The following ROS1 variants were observed in gnomAD, a reference collection of about 807,000 sequenced individuals.
The protein encoded by ROS1 is ROS proto-oncogene 1, receptor tyrosine kinase, also known as proto-oncogene tyrosine-protein kinase ROS.
In ROS1, 263 loss-of-function variants were observed where a neutral mutation model predicts 273.5. The observed-to-expected ratio is 0.96, with a 90% CI of 0.87 to 1.06. ROS1 has a LOEUF of 1.06. ROS1 is among the 50% of genes least tolerant of loss of function. The pLI is 0.00. For missense variants in ROS1, 2,833 were observed against 2,751.1 expected (o/e 1.03, Z -0.67); for synonymous variants, 1,008 against 954.1 (o/e 1.06, Z -1.04).
intron 13 of ROS1, among the ~76,000 whole-genome samples, chr6:117,388,386 A>G (rs1448783932): frequency 2.0e-5 from 3 of 152,226 alleles, no homozygotes; most frequent in Non-Finnish European, 4.4e-5. Flanking sequence ...AAGAAGCCCA[A>G]TCAATAAAAA....
chr6:117,352,908 C>G (rs1778988748), intron 27 of ROS1, 82 bp downstream of exon 27: 2 of 1,288,424 alleles, frequency 1.6e-6, no homozygotes, highest in African/African-American at 1.5e-5. Flanking sequence ...GCTAAAGGGA[C>G]AGCCTTGGAG....
rs376663875 is a variant in ROS1, at chr6:117,394,267, C to A, written c.1086G>T (p.Met362Ile). Residue 362 changes from methionine to isoleucine, a missense_variant, in exon 11 of 44, where the codon ATG becomes ATT. Coordinates refer to ENST00000368507, the MANE Select transcript of ROS1 (RefSeq NM_001378902.1). ...AAATTCTCAGGTCAGATACATCAGA[C>A]ATGTTGGCAGCCTTCTTCGCCCATA... ...TLIWAKKAAN[M>I]SDVSDLRIFY... is the part of the protein sequence containing the mutation. The A allele has an allele frequency of 5.6e-6, 9 of 1,611,010 alleles. No individual in the cohort carries two copies. Among genetic ancestry groups the A allele is most frequent in the Non-Finnish European group, 7.6e-6 (9 of 1,178,920 alleles).
At chr6:117,332,063 A>G (rs1777113356) in intron 32 of ROS1, among the ~76,000 whole-genome samples, 1 of 152,188 alleles carries the variant, frequency 6.6e-6, no homozygotes, top group African/African-American at 2.4e-5. Context: ...TAAGGAGTCA[A>G]GACCCATTGG....
intron 15 of ROS1, 149 bp from the exon 16 acceptor site, chr6:117,386,010 A>G (rs2128697293): frequency 1.5e-6 from 1 of 671,554 alleles, no homozygotes; most frequent in East Asian, 2.7e-5. Context: ...GAATATTTAA[A>G]TAATGTTTCC....
rs561841707 is a variant in ROS1, at chr6:117,305,013, C to T, written c.6551+3781G>A. Reference sequence around the variant, plus strand: ...GTAAGCTTCCTGAGGCCTCCTGAGCCGTGCTTCCTGTAGAGCCTGTGGAAC... The same window carrying T: ...GTAAGCTTCCTGAGGCCTCCTGAGCTGTGCTTCCTGTAGAGCCTGTGGAAC... On this transcript the variant is annotated intron_variant, in intron 42 of 43. Coordinates refer to ENST00000368507, the MANE Select transcript of ROS1 (RefSeq NM_001378902.1). 1.1e-4 allele frequency among the ~76,000 whole-genome samples: 17 copies of T among 152,228 alleles called. No individual in the cohort carries two copies. The South Asian group carries it at 3.1e-3, about 28-fold the overall frequency.
Position 117,389,367 on chromosome 6 carries a change from G to A in ROS1, c.1769C>T (p.Ala590Val), listed in dbSNP as rs267600780. The A allele has an allele frequency of 6.2e-7, 1 of 1,613,604 alleles. No homozygotes were observed. The highest frequency in any genetic ancestry group is 8.5e-7 in the Non-Finnish European group (1 of 1,179,810). The change falls in exon 13 of 44, where the codon GCC becomes GTC. Residue 590 changes from alanine to valine, a missense_variant. Transcript: ENST00000368507. ...HQALVQWKPP[A>V]LAIGASPSAW... The stretch of plus-strand genomic sequence containing the variant: ...GCACTCACTGGCTCCTATGGCAAGG[G>A]CAGGAGGCTTCCATTGAACAAGAGC...
chr6:117,399,146 G>T (rs1773747240), intron 7 of ROS1, among the ~76,000 whole-genome samples: 2 of 152,144 alleles, frequency 1.3e-5, no homozygotes, highest in South Asian at 4.1e-4. Context: ...ACCCATGTAG[G>T]GTCTAGAAGA....
chr6:117,341,907 C>T (rs1478505080), intron 29 of ROS1, among the ~76,000 whole-genome samples: 1 of 152,158 alleles, frequency 6.6e-6, no homozygotes, highest in Non-Finnish European at 1.5e-5. Context: ...TTGTGAATAT[C>T]ATCAGAGACA....
intron 32 of ROS1, among the ~76,000 whole-genome samples, chr6:117,333,933 A>T (rs1475260868): frequency 1.3e-5 from 2 of 152,194 alleles, no homozygotes; most frequent in Non-Finnish European, 2.9e-5. Context: ...GAAAACCAGT[A>T]CAAGACAAGG....
At chr6:117,308,720 A>G (rs977316400) in intron 42 of ROS1, 74 bp downstream of exon 42, 2 of 1,428,554 alleles carry the variant, frequency 1.4e-6, no homozygotes, top group African/African-American at 1.4e-5. Context: ...TTAACAAACT[A>G]TATCAAGAGG....
At chr6:117,313,723 T>C (rs1468023757) in intron 39 of ROS1, among the ~76,000 whole-genome samples, 1 of 152,130 alleles carries the variant, frequency 6.6e-6, no homozygotes, top group Non-Finnish European at 1.5e-5. Context: ...CCCAATAAAA[T>C]AGTCCTTGAA....
rs754863847 is a variant in ROS1 at position 117,425,523 on chromosome 6, G to A, written c.123+11C>T. The A allele has an allele frequency of 1.1e-5, 17 of 1,579,588 alleles. 1 individual carries two copies. In the South Asian group the frequency reaches 1.9e-4, roughly 18 times the overall value. On this transcript the variant is annotated intron_variant, in intron 1 of 43. Coordinates refer to ENST00000368507, the MANE Select transcript of ROS1 (RefSeq NM_001378902.1). The stretch of plus-strand genomic sequence containing the variant: ...TTCCTGCAAAGACAAATATTAGATT[G>A]TGAGACTTACCAGATTAGTTACACA...
At chr6:117,362,341 C>T (rs985681436) in intron 22 of ROS1, among the ~76,000 whole-genome samples, 10 of 151,748 alleles carry the variant, frequency 6.6e-5, no homozygotes, top group Non-Finnish European at 1.0e-4. Context: ...TAACTGCAGT[C>T]GTCTTTAATG....
chr6:117,380,470 C>T (rs993687677), intron 17 of ROS1, among the ~76,000 whole-genome samples: 1 of 151,718 alleles, frequency 6.6e-6, no homozygotes, highest in South Asian at 2.1e-4. Context: ...GAATCATGTC[C>T]TTGCTCCATG....
At chr6:117,326,536 C>T (rs1302389876) in intron 33 of ROS1, 122 bp from the exon 34 acceptor site, 2 of 580,022 alleles carry the variant, frequency 3.4e-6, no homozygotes, top group South Asian at 2.6e-5. Flanking sequence ...TACCCTTGAC[C>T]TCATTCCTCT....
In ROS1 at chr6:117,396,181, C is replaced by T. The variant is rs1250337950; in HGVS notation, c.883+7G>A. On this transcript the variant is annotated splice_region_variant and intron_variant, in intron 9 of 43. Coordinates refer to ENST00000368507, the MANE Select transcript of ROS1 (RefSeq NM_001378902.1). ...TGTGTAGCTAAAGGAAGAAGCCTGA[C>T]CCATACCTGCTGAAGATGAAGTGGT... The T allele has an allele frequency of 6.2e-7, 1 of 1,610,332 alleles. No homozygotes were observed. Among genetic ancestry groups the T allele is most frequent in the Non-Finnish European group, 8.5e-7 (1 of 1,176,814 alleles).
chr6:117,363,484 A>C (rs2128656526), intron 21 of ROS1, among the ~76,000 whole-genome samples: 1 of 152,262 alleles, frequency 6.6e-6, no homozygotes, highest in South Asian at 2.1e-4. Context: ...CTGATTTCTA[A>C]GTCATTCTCT....
intron 2 of ROS1, among the ~76,000 whole-genome samples, chr6:117,417,048 G>A (rs1221664206): frequency 6.6e-6 from 1 of 151,798 alleles, no homozygotes; most frequent in Non-Finnish European, 1.5e-5. Context: ...AGTTCTCCCG[G>A]AGCGAGTTCA....
intron 4 of ROS1, among the ~76,000 whole-genome samples, chr6:117,413,256 C>G (rs1188814091): frequency 6.6e-6 from 1 of 152,180 alleles, no homozygotes; most frequent in Non-Finnish European, 1.5e-5. Context: ...AAGAATACAA[C>G]ATAGGTTTTA....
Sources: allele counts gnomAD v4.1 joint callset (sites outside exome capture counted in the v4.1 genomes callset), GRCh38; gene constraint gnomAD v4.1.1; transcripts MANE v1.5; gene names NCBI Gene and HGNC (gene_info 2026-07-23, HGNC 2026-07-21).